NEGR1: variants seen among roughly 807,000 people sequenced by gnomAD.
NEGR1 encodes IgLON family member 4.
Under a neutral mutation model 40.9 loss-of-function variants are expected in NEGR1, and 10 were observed. The ratio of observed to expected loss-of-function variants is 0.24; its 90% CI spans 0.15 to 0.42. The LOEUF (loss-of-function observed/expected upper bound fraction) is 0.42. Ranked by LOEUF, NEGR1 falls within the 10% of genes least tolerant of loss-of-function variation. The pLI, the probability that NEGR1 is intolerant of heterozygous loss-of-function variation, is 1.00. For synonymous variants in NEGR1, 185 were observed against 166.8 expected (o/e 1.11, Z -0.84); for missense variants, 352 against 438.9 (o/e 0.80, Z 1.77).
At chr1:71,870,341 T>G (rs993097532) in intron 2 of NEGR1, among the ~76,000 whole-genome samples, 8 of 152,218 alleles carry the variant, frequency 5.3e-5, no homozygotes, top group East Asian at 3.8e-4. Flanking sequence ...ATTTTTTATC[T>G]AAGGAATTAA....
chr1:71,988,923 T>TAAAAAAA (rs10604833), intron 1 of NEGR1, among the ~76,000 whole-genome samples: 2 of 82,232 alleles, frequency 2.4e-5, no homozygotes, highest in African/African-American at 1.1e-4. Context: ...TATTGGATGT[T>TAAAAAAA]AAAAAAAAAA....
intron 1 of NEGR1, among the ~76,000 whole-genome samples, chr1:71,994,942 A>G (rs1486180046): frequency 7.0e-6 from 1 of 142,026 alleles, no homozygotes; most frequent in African/African-American, 2.6e-5. Context: ...GTATGCCAGG[A>G]TGTATGGCAA....
intron 4 of NEGR1, among the ~76,000 whole-genome samples, chr1:71,687,216 G>A (rs1434183115): frequency 1.3e-5 from 2 of 152,122 alleles, no homozygotes; most frequent in Admixed American, 6.5e-5. Context: ...AAGATATTTT[G>A]TCTTTATAAT....
At chr1:72,231,722 G>A (rs1469653379) in intron 1 of NEGR1, among the ~76,000 whole-genome samples, 1 of 152,030 alleles carries the variant, frequency 6.6e-6, no homozygotes, top group East Asian at 1.9e-4. Context: ...TTGAAAACAG[G>A]AGCCATGTTA....
chr1:71,692,749 G>T (rs1381531595), intron 4 of NEGR1, among the ~76,000 whole-genome samples: 1 of 151,754 alleles, frequency 6.6e-6, no homozygotes, highest in Admixed American at 6.6e-5. Context: ...AAGATAACGT[G>T]CATATTTGCA....
At chr1:72,076,616 C>A (rs902535947) in intron 1 of NEGR1, among the ~76,000 whole-genome samples, 1 of 150,914 alleles carries the variant, frequency 6.6e-6, no homozygotes, top group African/African-American at 2.4e-5. Context: ...AACAAGTGAG[C>A]CAATTTCTAC....
chr1:71,805,978 G>A (rs1482568922), intron 2 of NEGR1, among the ~76,000 whole-genome samples: 1 of 152,088 alleles, frequency 6.6e-6, no homozygotes, highest in Non-Finnish European at 1.5e-5. Context: ...AATTCAGTGT[G>A]TGCAAAACAT....
At chr1:71,982,209 CA>C (rs1407982272) in intron 1 of NEGR1, among the ~76,000 whole-genome samples, 1 of 152,114 alleles carries the variant, frequency 6.6e-6, no homozygotes, top group Non-Finnish European at 1.5e-5. Context: ...AACCAAGGCC[CA>C]ATGTAAATAT....
intron 5 of NEGR1, among the ~76,000 whole-genome samples, chr1:71,600,234 C>T (rs1007516503): frequency 3.3e-5 from 5 of 152,170 alleles, no homozygotes; most frequent in Admixed American, 6.5e-5. Context: ...AAGGCTATAA[C>T]GCAGTCTTCC....
At chr1:71,801,426 T>C (rs2101748634) in intron 2 of NEGR1, among the ~76,000 whole-genome samples, 1 of 152,332 alleles carries the variant, frequency 6.6e-6, no homozygotes, top group East Asian at 1.9e-4. Context: ...CAAGATTAGA[T>C]GTACAATTCT....
At chr1:71,903,965 A>G (rs1319967787) in intron 2 of NEGR1, among the ~76,000 whole-genome samples, 2 of 152,080 alleles carry the variant, frequency 1.3e-5, no homozygotes, top group East Asian at 3.9e-4. Context: ...TTATTCTTTC[A>G]TTCAATAACA....
At chr1:71,886,667 T>C (rs1660733830) in intron 2 of NEGR1, among the ~76,000 whole-genome samples, 1 of 152,136 alleles carries the variant, frequency 6.6e-6, no homozygotes, top group South Asian at 2.1e-4. Flanking sequence ...ACTCACCTTT[T>C]CCCCAAGTTG....
intron 1 of NEGR1, among the ~76,000 whole-genome samples, chr1:72,233,623 T>A (rs770990599): frequency 6.6e-5 from 10 of 152,278 alleles, no homozygotes; most frequent in Non-Finnish European, 1.5e-4. Context: ...AAGGACAAGA[T>A]TTCATTCTTT....
intron 3 of NEGR1, among the ~76,000 whole-genome samples, chr1:71,714,014 C>T (rs1054899211): frequency 3.9e-5 from 6 of 152,052 alleles, no homozygotes; most frequent in Non-Finnish European, 8.8e-5. Flanking sequence ...AGTTCATTCT[C>T]ACACTGCTAT....
At chr1:71,746,759 T>TACACACACACACGCAC (rs1023419769) in intron 3 of NEGR1, among the ~76,000 whole-genome samples, 4 of 147,170 alleles carry the variant, frequency 2.7e-5, no homozygotes, top group African/African-American at 1.0e-4. Context: ...CACACACGCG[T>TACACACACACACGCAC]ACACACACAC....
intron 1 of NEGR1, among the ~76,000 whole-genome samples, chr1:72,105,673 G>A (rs980203261): frequency 6.6e-6 from 1 of 152,032 alleles, no homozygotes; most frequent in Non-Finnish European, 1.5e-5. Flanking sequence ...AAAACCTGAC[G>A]ATAGTTTCAA....
At chr1:71,914,155 A>G (rs1661506924) in intron 2 of NEGR1, among the ~76,000 whole-genome samples, 1 of 152,204 alleles carries the variant, frequency 6.6e-6, no homozygotes, top group East Asian at 1.9e-4. Flanking sequence ...TTCTTAGCCA[A>G]TACCTACCAC....
chr1:72,141,790 A>G (rs1022939459), intron 1 of NEGR1, among the ~76,000 whole-genome samples: 1 of 152,046 alleles, frequency 6.6e-6, no homozygotes, highest in African/African-American at 2.4e-5. Flanking sequence ...ACAAAAGCAG[A>G]AAGTCTTTTC....
At chr1:71,772,430 T>C (rs1422418502) in intron 3 of NEGR1, among the ~76,000 whole-genome samples, 4 of 75,880 alleles carry the variant, frequency 5.3e-5, no homozygotes, top group Non-Finnish European at 1.5e-4. Context: ...GTGGGGAGTA[T>C]ATACATTGTT....
Sources: allele counts gnomAD v4.1 joint callset (sites outside exome capture counted in the v4.1 genomes callset), GRCh38; gene constraint gnomAD v4.1.1; transcripts MANE v1.5; gene names NCBI Gene and HGNC (gene_info 2026-07-23, HGNC 2026-07-21).